ADARB1: variants seen among roughly 807,000 people sequenced by gnomAD.
The protein encoded by ADARB1 is adenosine deaminase RNA specific B1.
In ADARB1, 10 loss-of-function variants were observed where a neutral mutation model predicts 52.4. The observed-to-expected ratio is 0.19, with a 90% CI of 0.12 to 0.32. ADARB1 has a LOEUF of 0.32. Among genes scored for constraint, ADARB1 ranks in the 10% least tolerant of loss-of-function variants. The pLI, the probability that ADARB1 is intolerant of heterozygous loss-of-function variation, is 1.00. For missense variants in ADARB1, 643 were observed against 922.3 expected, an observed-to-expected ratio of 0.70 and a Z score of 3.92; for synonymous variants, 349 against 371.1, an observed-to-expected ratio of 0.94 and a Z score of 0.68.
chr21:45,168,649 A>G (rs1179386982), intron 2 of ADARB1, among the ~76,000 whole-genome samples: 2 of 152,082 alleles, frequency 1.3e-5, no homozygotes, highest in Admixed American at 1.3e-4. Context: ...TCCTCTTGTG[A>G]TCTGCTCGTC....
intron 2 of ADARB1, among the ~76,000 whole-genome samples, chr21:45,151,165 G>T (rs896229723): frequency 3.3e-5 from 5 of 152,344 alleles, no homozygotes; most frequent in South Asian, 2.1e-4. Flanking sequence ...ACTGGGTGTG[G>T]TGTAGAACTA....
At chr21:45,190,609 C>T (rs1047398844) in intron 8 of ADARB1, among the ~76,000 whole-genome samples, 2 of 146,520 alleles carry the variant, frequency 1.4e-5, no homozygotes, top group Non-Finnish European at 3.1e-5. Flanking sequence ...AGAGAAAGTT[C>T]TTCACTAACA....
In ADARB1 at chr21:45,074,762, G is replaced by A. The variant is rs2123574974; in HGVS notation, c.-251G>A. 1 of 147,036 alleles carries A rather than the reference G, an allele frequency of 6.8e-6. No homozygotes were observed. Among genetic ancestry groups the A allele is most frequent in the African/African-American group, 2.4e-5 (1 of 40,850 alleles). The allele number at this position is 147,036 out of a possible 1,614,324, so 9.1% of individuals were successfully genotyped here. A position where few individuals can be genotyped will look rare whatever the true frequency, so the allele number is the denominator to read the frequency against. On this transcript the variant is annotated 5_prime_UTR_variant, in exon 1 of 11. Coordinates refer to ENST00000348831, the MANE Select transcript of ADARB1 (RefSeq NM_001112.4). ...CGGCCGAAGCGTGGGGCGCGCGTGCGGAGGACCAGGCGCGGCGCGGCTGCG... is the reference window on the plus strand; with the variant it reads ...CGGCCGAAGCGTGGGGCGCGCGTGCAGAGGACCAGGCGCGGCGCGGCTGCG...
chr21:45,081,542 T>C (rs994021933), intron 1 of ADARB1, among the ~76,000 whole-genome samples: 6 of 152,150 alleles, frequency 3.9e-5, no homozygotes, highest in Admixed American at 6.5e-5. Context: ...GTAGGGTAGG[T>C]GTATTGAATG....
Position 45,204,504 on chromosome 21 carries a change from G to T in ADARB1, c.1566-51G>T, listed in dbSNP as rs767657213. The stretch of plus-strand genomic sequence containing the variant: ...ACCACGCAGGCTTGGGCTGGGCTGC[G>T]TCGACACTGAGTCCGAGCTCCCTGA... On this transcript the variant is annotated intron_variant, in intron 8 of 10. Transcript: ENST00000348831. This position sits in a 1 kb window ranked among gnomAD's most constrained non-coding sequence, Gnocchi z 4.4. 8.8e-6 allele frequency: 14 copies of T among 1,583,362 alleles called. No homozygotes were observed.
chr21:45,077,540 G>A (rs781081966), intron 1 of ADARB1, among the ~76,000 whole-genome samples: 2 of 152,088 alleles, frequency 1.3e-5, no homozygotes, highest in African/African-American at 4.8e-5. Flanking sequence ...GGTGGTGGGC[G>A]CCTGTAGTCC....
At chr21:45,152,444 C>T (rs1163562753) in intron 2 of ADARB1, among the ~76,000 whole-genome samples, 2 of 152,180 alleles carry the variant, frequency 1.3e-5, no homozygotes, top group Non-Finnish European at 2.9e-5. Flanking sequence ...TGCCTAACTG[C>T]GGCATGATGA....
chr21:45,222,457 C>T lies in ADARB1; in HGVS notation c.*260C>T, dbSNP rs77920851. The T allele has an allele frequency of 1.9e-5, 24 of 1,235,412 alleles. No individual in the cohort carries two copies. The East Asian group carries it at 2.0e-4, about 10-fold the overall frequency. 76.5% of individuals were successfully genotyped at this position (1,235,412 alleles called of 1,614,324 possible). A position where few individuals can be genotyped will look rare whatever the true frequency, so the allele number is the denominator to read the frequency against. ...TGCCGCAGCATTTCCCCTTCTGAACCGTCCAGTGACTGCTTTCAATCTCGG... is the reference window on the plus strand; with the variant it reads ...TGCCGCAGCATTTCCCCTTCTGAACTGTCCAGTGACTGCTTTCAATCTCGG... On this transcript the variant is annotated 3_prime_UTR_variant, in exon 11 of 11. Transcript: ENST00000348831.
At position 45,175,580 on chromosome 21, in the gene ADARB1, G is replaced by A. The variant is rs114148795; in HGVS notation, c.29-150G>A. 725 of 794,082 alleles carry A rather than the reference G, an allele frequency of 9.1e-4. 5 individuals are homozygous for A. The African/African-American group carries it at 0.011, about 13-fold the overall frequency. 49.2% of individuals were successfully genotyped at this position (794,082 alleles called of 1,614,324 possible). On this transcript the variant is annotated intron_variant, in intron 3 of 10. Transcript: ENST00000348831. Reference sequence around the variant, plus strand: ...GAGGCTGATAGTTCTTTAACTAAATGTATAACTCTTCATGTATACATCAAG... The same window carrying A: ...GAGGCTGATAGTTCTTTAACTAAATATATAACTCTTCATGTATACATCAAG...
At chr21:45,156,276 C>T (rs1433234363) in intron 2 of ADARB1, among the ~76,000 whole-genome samples, 3 of 151,040 alleles carry the variant, frequency 2.0e-5, no homozygotes, top group East Asian at 4.0e-4. Context: ...TCCACCCACC[C>T]ATCATCACCC....
At chr21:45,178,824 A>G (rs2146178048) in intron 4 of ADARB1, among the ~76,000 whole-genome samples, 1 of 152,216 alleles carries the variant, frequency 6.6e-6, no homozygotes, top group Admixed American at 6.5e-5. Context: ...GGTTAATGAG[A>G]CCAGTAATCC....
intron 2 of ADARB1, among the ~76,000 whole-genome samples, chr21:45,129,745 C>T (rs1250255560): frequency 2.0e-5 from 3 of 151,990 alleles, no homozygotes; most frequent in South Asian, 2.1e-4. Context: ...GTCACCAGGG[C>T]GTGAGCGTGG....
rs377282512 is a variant in ADARB1 at position 45,172,507 on chromosome 21, G to C, written c.28+823G>C. Among the ~76,000 whole-genome samples, 1 of 152,226 alleles carries C rather than the reference G, an allele frequency of 6.6e-6. No individual in the cohort carries two copies. Among genetic ancestry groups the C allele is most frequent in the South Asian group, 2.1e-4 (1 of 4,818 alleles). ...CTTAGCACTTTCCCTTTGACTTTACGCACAACCGATGATCTGGGGTCTTGG... is the reference window on the plus strand; with the variant it reads ...CTTAGCACTTTCCCTTTGACTTTACCCACAACCGATGATCTGGGGTCTTGG... On this transcript the variant is annotated intron_variant, in intron 3 of 10. Coordinates refer to ENST00000348831, the MANE Select transcript of ADARB1 (RefSeq NM_001112.4). The surrounding 1 kb of genome is among the most constrained non-coding windows in gnomAD (Gnocchi z 4.4).
rs2090725562 is a variant in ADARB1, at chr21:45,157,517, A to G, written c.-47-14093A>G. Among the ~76,000 whole-genome samples, 1 of 152,112 alleles carries G rather than the reference A, an allele frequency of 6.6e-6. No homozygotes were observed. Among genetic ancestry groups the G allele is most frequent in the Non-Finnish European group, 1.5e-5 (1 of 68,016 alleles). The stretch of plus-strand genomic sequence containing the variant: ...ACTTCACGAAGGCAGGGCCCTGTGA[A>G]GGTTTGTGCTCTCGTGTGCCGGCTC... On this transcript the variant is annotated intron_variant, in intron 2 of 10. Transcript: ENST00000348831. This position sits in a 1 kb window ranked among gnomAD's most constrained non-coding sequence, Gnocchi z 4.1.
Position 45,221,139 on chromosome 21 carries a change from T to C in ADARB1, c.1926+125T>C. ...TGCACAGCTTCCGAAAACGATCACT[T>C]GGAATGATTCTTCCTTCAGATTGTT... On this transcript the variant is annotated intron_variant, in intron 10 of 10. Coordinates refer to ENST00000348831, the MANE Select transcript of ADARB1 (RefSeq NM_001112.4). The surrounding 1 kb of genome is among the most constrained non-coding windows in gnomAD (Gnocchi z 4.9). 1 of 1,156,736 alleles carries C rather than the reference T, an allele frequency of 8.6e-7. No individual in the cohort carries two copies. The highest frequency in any genetic ancestry group is 1.2e-6 in the Non-Finnish European group (1 of 836,330). The allele number at this position is 1,156,736 out of a possible 1,614,324, so 71.7% of individuals were successfully genotyped here.
chr21:45,086,115 C>T (rs1009476073), intron 1 of ADARB1, among the ~76,000 whole-genome samples: 4 of 152,102 alleles, frequency 2.6e-5, no homozygotes, highest in Admixed American at 6.6e-5. Flanking sequence ...TGTGTGAAGC[C>T]GGGATAGGGC....
rs1449193063 is a variant in ADARB1, at chr21:45,223,719, C to G, written c.*1522C>G. On this transcript the variant is annotated 3_prime_UTR_variant, in exon 11 of 11. Coordinates refer to ENST00000348831, the MANE Select transcript of ADARB1 (RefSeq NM_001112.4). ...CAGAGCAGGGGCAGAGGGGCGTCAT[C>G]CTCCCACCGGACGCTGGGAGCTCAG... 7 of 984,528 alleles carry G rather than the reference C, an allele frequency of 7.1e-6. No individual in the cohort carries two copies. Among genetic ancestry groups the G allele is most frequent in the African/African-American group, 1.7e-5 (1 of 57,188 alleles). 61.0% of individuals were successfully genotyped at this position (984,528 alleles called of 1,614,324 possible).
intron 2 of ADARB1, among the ~76,000 whole-genome samples, chr21:45,153,584 G>A (rs544459020): frequency 2.0e-5 from 3 of 152,224 alleles, no homozygotes; most frequent in Admixed American, 1.3e-4. Context: ...AATTAACCTC[G>A]GTTTTTTGGT....
chr21:45,146,876 G>A (rs1290665471), intron 2 of ADARB1, among the ~76,000 whole-genome samples: 2 of 152,162 alleles, frequency 1.3e-5, no homozygotes, highest in Non-Finnish European at 2.9e-5. Context: ...AATGTTAAGT[G>A]CTTTCTTCTG....
Sources: gnomAD v4.1 joint callset for allele counts (sites outside exome capture counted in the v4.1 genomes callset) on GRCh38, gnomAD v4.1.1 for gene constraint, Gnocchi (gnomAD v3.1) non-coding constraint, MANE v1.5 for transcripts, NCBI Gene and HGNC (gene_info 2026-07-23, HGNC 2026-07-21) for gene names.